RALA: variants seen among roughly 807,000 people sequenced by gnomAD.
The protein encoded by RALA is ras-related protein Ral-A.
Under a neutral mutation model 24.0 loss-of-function variants are expected in RALA, and 5 were observed. The ratio of observed to expected loss-of-function variants is 0.21; its 90% CI spans 0.11 to 0.44. The LOEUF (loss-of-function observed/expected upper bound fraction) is 0.44, where lower values mean the gene tolerates loss of function less well. Among genes scored for constraint, RALA ranks in the 20% least tolerant of loss-of-function variants. The probability of loss-of-function intolerance (pLI) is 0.99; values close to 1 mark genes in which losing one functional copy is unlikely to be tolerated. For synonymous variants in RALA, 77 were observed against 83.8 expected, an observed-to-expected ratio of 0.92 and a Z score of 0.44; for missense variants, 95 against 241.2, an observed-to-expected ratio of 0.39 and a Z score of 4.01.
chr7:39,648,085 C>T (rs1047867485), intron 1 of RALA, among the ~76,000 whole-genome samples: 2 of 152,180 alleles, frequency 1.3e-5, no homozygotes. Flanking sequence ...CCTATTAACA[C>T]ACCTTTATAG....
At chr7:39,692,255 G>A (rs1324749297) in intron 3 of RALA, among the ~76,000 whole-genome samples, 2 of 152,026 alleles carry the variant, frequency 1.3e-5, no homozygotes, top group East Asian at 1.9e-4. Flanking sequence ...TTGCTTCCTC[G>A]TCTATATATG....
chr7:39,684,658 G>A (rs967223880), intron 1 of RALA, among the ~76,000 whole-genome samples: 4 of 146,734 alleles, frequency 2.7e-5, no homozygotes, highest in Non-Finnish European at 6.0e-5. Flanking sequence ...GGCCACATTG[G>A]AAGAAGAATT....
intron 1 of RALA, among the ~76,000 whole-genome samples, chr7:39,644,287 G>A (rs1029153704): frequency 6.6e-6 from 1 of 151,736 alleles, no homozygotes; most frequent in Admixed American, 6.6e-5. Context: ...CTTATTTTGG[G>A]AGCTAATTCA....
chr7:39,680,544 G>A (rs1469768310), intron 1 of RALA, among the ~76,000 whole-genome samples: 1 of 150,820 alleles, frequency 6.6e-6, no homozygotes, highest in African/African-American at 2.4e-5. Context: ...CTACTGCACT[G>A]TAGCCTGGGT....
intron 1 of RALA, among the ~76,000 whole-genome samples, chr7:39,675,749 A>C (rs1792475095): frequency 7.4e-6 from 1 of 135,124 alleles, no homozygotes; most frequent in East Asian, 1.9e-4. Context: ...TAAAAAAAAA[A>C]AAAAAAAAAA....
rs1689613146 is a variant in RALA at position 39,699,951 on chromosome 7, G to A, written c.498+3092G>A. Reference sequence around the variant, plus strand: ...GGCTCTGCATCCACAACCAAATGCAGACAGAGAATACAGCAGGATGTGAAA... The same window carrying A: ...GGCTCTGCATCCACAACCAAATGCAAACAGAGAATACAGCAGGATGTGAAA... On this transcript the variant is annotated intron_variant, in intron 4 of 4. Transcript: ENST00000005257. Among the ~76,000 whole-genome samples, 3 of 152,004 alleles carry A rather than the reference G, an allele frequency of 2.0e-5. No individual in the cohort carries two copies. The South Asian group carries it at 6.2e-4, about 31-fold the overall frequency.
At chr7:39,698,118 T>G (rs1371989497) in intron 4 of RALA, among the ~76,000 whole-genome samples, 2 of 152,168 alleles carry the variant, frequency 1.3e-5, no homozygotes, top group African/African-American at 4.8e-5. Flanking sequence ...TATACCTTCC[T>G]GCTGCATCCT....
In RALA at chr7:39,645,704, G is replaced by A. The variant is rs557706455; in HGVS notation, c.-38+21879G>A. ...TGTACTAGGCAAATAATAGGCACTG[G>A]CACTTAATCTAGGCTTAAGGAACAA... On this transcript the variant is annotated intron_variant, in intron 1 of 4. Transcript: ENST00000005257. Among the ~76,000 whole-genome samples the A allele has an allele frequency of 1.2e-3, 182 of 152,286 alleles. 1 individual carries two copies. Among genetic ancestry groups the A allele is most frequent in the African/African-American group, 4.1e-3 (169 of 41,544 alleles).
At chr7:39,644,836 T>C (rs1791897713) in intron 1 of RALA, among the ~76,000 whole-genome samples, 1 of 152,236 alleles carries the variant, frequency 6.6e-6, no homozygotes, top group African/African-American at 2.4e-5. Flanking sequence ...CCAGAAGTAA[T>C]GTTTGTCAGA....
At chr7:39,661,069 C>T (rs934385936) in intron 1 of RALA, among the ~76,000 whole-genome samples, 3 of 152,032 alleles carry the variant, frequency 2.0e-5, no homozygotes, top group South Asian at 2.1e-4. Flanking sequence ...ATGAGAGAGC[C>T]GAGCTAAAAG....
intron 1 of RALA, among the ~76,000 whole-genome samples, chr7:39,664,694 C>T (rs1049727477): frequency 6.6e-6 from 1 of 152,104 alleles, no homozygotes; most frequent in African/African-American, 2.4e-5. Context: ...AGCCATTAAG[C>T]CCCAAACAAT....
chr7:39,680,060 ACC>A (rs1036327812), intron 1 of RALA, among the ~76,000 whole-genome samples: 2 of 151,950 alleles, frequency 1.3e-5, no homozygotes, highest in African/African-American at 2.4e-5. Flanking sequence ...AATACTTTAG[ACC>A]TTCCCCACTC....
rs2039752271 is a variant in RALA at position 39,657,029 on chromosome 7, G to A, written c.-37-29602G>A. Among the ~76,000 whole-genome samples the A allele has an allele frequency of 1.3e-5, 2 of 152,126 alleles. 1 individual carries two copies. Among genetic ancestry groups the A allele is most frequent in the East Asian group, 3.8e-4 (2 of 5,200 alleles). On this transcript the variant is annotated intron_variant, in intron 1 of 4. Transcript: ENST00000005257. ...GTCACCCAGGCTGGAGTGCAGTGGT[G>A]TGATCTCGGCTCACTACAACCTCCA...
Position 39,691,728 on chromosome 7 carries a change from C to A in RALA, c.323+1138C>A, listed in dbSNP as rs80355634. On this transcript the variant is annotated intron_variant, in intron 3 of 4. Transcript: ENST00000005257. ...AGAAACTCTGAAGTATAGATTTATT[C>A]ATAAAGTTTGTTGGTTTCTATGAGG... Among the ~76,000 whole-genome samples the A allele has an allele frequency of 5.2e-3, 788 of 152,202 alleles. 6 individuals carry two copies. The highest frequency in any genetic ancestry group is 0.018 in the African/African-American group (762 of 41,524).
At chr7:39,637,460 A>C (rs980291787) in intron 1 of RALA, among the ~76,000 whole-genome samples, 4 of 152,218 alleles carry the variant, frequency 2.6e-5, no homozygotes, top group Non-Finnish European at 1.5e-5. Flanking sequence ...TGTTACTTTG[A>C]CTTAAGTAAT....
intron 1 of RALA, among the ~76,000 whole-genome samples, chr7:39,668,890 C>T (rs917311490): frequency 2.0e-5 from 3 of 150,404 alleles, no homozygotes; most frequent in Non-Finnish European, 4.4e-5. Flanking sequence ...CCAAGGCGGG[C>T]GGATCATGAG....
At chr7:39,655,478 C>T (rs560297963) in intron 1 of RALA, among the ~76,000 whole-genome samples, 66 of 152,182 alleles carry the variant, frequency 4.3e-4, no homozygotes, top group Admixed American at 9.8e-4. Flanking sequence ...TGCAGTTTGT[C>T]GTATGTTGTA....
intron 1 of RALA, among the ~76,000 whole-genome samples, chr7:39,642,939 C>G (rs1791847020): frequency 6.6e-6 from 1 of 152,230 alleles, no homozygotes; most frequent in Admixed American, 6.5e-5. Flanking sequence ...TCTAACCATC[C>G]TGATGGCAAA....
chr7:39,635,154 G>A (rs999608666), intron 1 of RALA, among the ~76,000 whole-genome samples: 7 of 152,036 alleles, frequency 4.6e-5, no homozygotes, highest in African/African-American at 1.7e-4. Context: ...GTTCAACATG[G>A]CAAAACCCCA....
Sources: gnomAD v4.1 joint callset for allele counts (sites outside exome capture counted in the v4.1 genomes callset) on GRCh38, gnomAD v4.1.1 for gene constraint, MANE v1.5 for transcripts, NCBI Gene and HGNC (gene_info 2026-07-23, HGNC 2026-07-21) for gene names.